Variants in SPOCK1 observed in about 807,000 individuals in gnomAD.
The protein encoded by SPOCK1 is testican-1.
SPOCK1 carries 23 observed loss-of-function variants against 55.3 expected under a neutral mutation model. The ratio of observed to expected loss-of-function variants is 0.42; its 90% confidence interval spans 0.30 to 0.59. The LOEUF (loss-of-function observed/expected upper bound fraction) is 0.59. Ranked by LOEUF, SPOCK1 falls within the 20% of genes least tolerant of loss-of-function variation. The probability of loss-of-function intolerance (pLI) is 0.22; values close to 1 mark genes in which losing one functional copy is unlikely to be tolerated. For synonymous variants in SPOCK1, 226 were observed against 221.0 expected, an observed-to-expected ratio of 1.02 and a Z score of -0.20; for missense variants, 499 against 552.5, an observed-to-expected ratio of 0.90 and a Z score of 0.97.
At chr5:137,011,581 T>C (rs1334018528) in intron 6 of SPOCK1, among the ~76,000 whole-genome samples, 1 of 152,198 alleles carries the variant, frequency 6.6e-6, no homozygotes, top group Non-Finnish European at 1.5e-5. Context: ...AAAACATCCC[T>C]GAAATTTATT....
intron 3 of SPOCK1, among the ~76,000 whole-genome samples, chr5:137,231,801 CTA>C (rs912410695): frequency 6.6e-6 from 1 of 152,232 alleles, no homozygotes; most frequent in African/African-American, 2.4e-5. Context: ...TCCACAGTGA[CTA>C]TGTCACTTTA....
intron 2 of SPOCK1, among the ~76,000 whole-genome samples, chr5:137,442,277 C>T (rs368474748): frequency 4.6e-5 from 7 of 152,084 alleles, no homozygotes; most frequent in Admixed American, 1.3e-4. Flanking sequence ...AGTTCGGGGA[C>T]GGGGGAGCGG....
intron 6 of SPOCK1, among the ~76,000 whole-genome samples, chr5:137,026,080 C>G (rs1751668551): frequency 6.6e-6 from 1 of 152,226 alleles, no homozygotes; most frequent in African/African-American, 2.4e-5. Flanking sequence ...AGGCGAGATT[C>G]TATATACCTG....
intron 2 of SPOCK1, among the ~76,000 whole-genome samples, chr5:137,465,520 C>A (rs1753600870): frequency 6.6e-6 from 1 of 151,906 alleles, no homozygotes; most frequent in African/African-American, 2.4e-5. Flanking sequence ...TGGAAAAGTT[C>A]TATTGAACTG....
chr5:137,432,993 T>C (rs1447116309), intron 2 of SPOCK1, among the ~76,000 whole-genome samples: 2 of 152,206 alleles, frequency 1.3e-5, no homozygotes, highest in Non-Finnish European at 2.9e-5. Flanking sequence ...CATATTTACT[T>C]CTTTCTCTAG....
intron 3 of SPOCK1, among the ~76,000 whole-genome samples, chr5:137,160,572 TATATAATATATATA>T (rs1561631659): frequency 2.8e-4 from 14 of 49,886 alleles, no homozygotes; most frequent in African/African-American, 1.2e-3. Context: ...TATTATATAT[TATATAATATATATA>T]ATATATAATA....
chr5:137,385,067 C>T (rs1042501860), intron 2 of SPOCK1, among the ~76,000 whole-genome samples: 3 of 152,144 alleles, frequency 2.0e-5, no homozygotes, highest in African/African-American at 7.2e-5. Context: ...GTATCAGGCA[C>T]ATTGTAAATA....
At chr5:137,031,798 T>C (rs965189691) in intron 6 of SPOCK1, among the ~76,000 whole-genome samples, 1 of 152,044 alleles carries the variant, frequency 6.6e-6, no homozygotes, top group African/African-American at 2.4e-5. Context: ...CTTTTTATCA[T>C]AATCAAGAAT....
At chr5:137,077,214 G>A (rs187690762) in intron 5 of SPOCK1, among the ~76,000 whole-genome samples, 13 of 152,338 alleles carry the variant, frequency 8.5e-5, no homozygotes, top group Admixed American at 5.2e-4. Flanking sequence ...GTGAGCCACC[G>A]CGCCCGGCCC....
intron 3 of SPOCK1, among the ~76,000 whole-genome samples, chr5:137,239,051 G>A (rs1756235440): frequency 6.6e-6 from 1 of 152,172 alleles, no homozygotes; most frequent in Admixed American, 6.5e-5. Flanking sequence ...CTGAAGGATG[G>A]GGGCTGGTTT....
chr5:137,465,127 C>T (rs971613667), intron 2 of SPOCK1, among the ~76,000 whole-genome samples: 55 of 152,152 alleles, frequency 3.6e-4, no homozygotes, highest in African/African-American at 1.3e-3. Context: ...CAAGCACCCA[C>T]GGCCATCAAT....
chr5:137,199,689 A>G (rs1755377607), intron 3 of SPOCK1, among the ~76,000 whole-genome samples: 7 of 152,122 alleles, frequency 4.6e-5, no homozygotes, highest in Admixed American at 3.3e-4. Context: ...CAACTTCAGA[A>G]TGTCAGAGAA....
chr5:136,988,398 C>G, intron 8 of SPOCK1, 24 bp downstream of exon 8: 1 of 1,606,018 alleles, frequency 6.2e-7, no homozygotes, highest in Non-Finnish European at 8.5e-7. Flanking sequence ...GGGCTAGGGA[C>G]CCCAACCCTC....
rs1253089299 is a variant in SPOCK1, at chr5:137,072,024, G to A, written c.475-4195C>T. Among the ~76,000 whole-genome samples, 4 of 152,258 alleles carry A rather than the reference G, an allele frequency of 2.6e-5. No homozygotes were observed. In the East Asian group the frequency reaches 5.8e-4, roughly 22 times the overall value. Reference sequence around the variant, plus strand: ...TTTTTTAAAAAGAGAGAGACTCTAAGGAATGAAGACACTTTGTCTTAGGTT... The same window carrying A: ...TTTTTTAAAAAGAGAGAGACTCTAAAGAATGAAGACACTTTGTCTTAGGTT... On this transcript the variant is annotated intron_variant, in intron 5 of 10. Transcript: ENST00000394945.
chr5:137,002,564 G>A (rs1465572377), intron 6 of SPOCK1, among the ~76,000 whole-genome samples: 2 of 152,102 alleles, frequency 1.3e-5, no homozygotes, highest in East Asian at 1.9e-4. Context: ...CTAGCCAGTG[G>A]GTCAGCATTT....
chr5:137,417,535 T>C (rs1445431591), intron 2 of SPOCK1, among the ~76,000 whole-genome samples: 1 of 152,134 alleles, frequency 6.6e-6, no homozygotes. Context: ...TCAGCCTTTC[T>C]CTCAGCTTCC....
intron 4 of SPOCK1, among the ~76,000 whole-genome samples, chr5:137,119,423 G>A (rs77893785): frequency 0.014 from 2,091 of 152,310 alleles, 45 homozygotes; most frequent in African/African-American, 0.047. Flanking sequence ...TGTTGTTAGG[G>A]TTATTTGAGT....
intron 9 of SPOCK1, among the ~76,000 whole-genome samples, chr5:136,981,445 C>G (rs1328431994): frequency 6.6e-6 from 1 of 151,908 alleles, no homozygotes; most frequent in Non-Finnish European, 1.5e-5. Context: ...TATTTTGATC[C>G]TTTTTTATAA....
chr5:137,011,091 T>C (rs1441813084), intron 6 of SPOCK1, among the ~76,000 whole-genome samples: 5 of 152,190 alleles, frequency 3.3e-5, no homozygotes, highest in Non-Finnish European at 2.9e-5. Context: ...TCTTTAAGCA[T>C]CCAGCCAATA....
Sources: gnomAD v4.1 joint callset for allele counts (sites outside exome capture counted in the v4.1 genomes callset) on GRCh38, gnomAD v4.1.1 for gene constraint, MANE v1.5 for transcripts, NCBI Gene and HGNC (gene_info 2026-07-23, HGNC 2026-07-21) for gene names.